TMC2: variants seen among roughly 807,000 people sequenced by gnomAD.
The protein encoded by TMC2 is transmembrane channel like 2.
In TMC2, 102 loss-of-function variants were observed where a neutral mutation model predicts 105.9. The ratio of observed to expected loss-of-function variants is 0.96; its 90% CI spans 0.82 to 1.14. TMC2 has a LOEUF of 1.14. Among genes scored for constraint, TMC2 ranks in the 50% most tolerant of loss-of-function variants. The pLI is 0.00. For synonymous variants in TMC2, 402 were observed against 422.8 expected, an observed-to-expected ratio of 0.95 and a Z score of 0.60; for missense variants, 1,093 against 1,134.3, an observed-to-expected ratio of 0.96 and a Z score of 0.52.
At chr20:2,566,906 A>C (rs372525341) in intron 4 of TMC2, among the ~76,000 whole-genome samples, 1 of 152,396 alleles carries the variant, frequency 6.6e-6, no homozygotes, top group African/African-American at 2.4e-5. Context: ...GGGAAGAAAC[A>C]GACTGGCAAG....
In TMC2 at chr20:2,641,287, C is replaced by T. The variant is rs1385599993; in HGVS notation, c.2657C>T (p.Ala886Val). The T allele has an allele frequency of 1.2e-6, 2 of 1,614,004 alleles. No homozygotes were observed. The highest frequency in any genetic ancestry group is 1.7e-6 in the Non-Finnish European group (2 of 1,180,006). Residue 886 changes from alanine (A) to valine (V), a missense_variant, in exon 20 of 20, where the codon GCC becomes GTC. Transcript: ENST00000358864. ...GGAATCGGACCAGATTCTGGCCACG[C>T]CCCATCTCAGACTCATCCGTGGAGG... is the stretch of plus-strand genomic sequence containing the variant. ...PPGIGPDSGH[A>V]PSQTHPWRSA...
At chr20:2,615,276 G>C (rs1182290184) in intron 14 of TMC2, among the ~76,000 whole-genome samples, 3 of 152,200 alleles carry the variant, frequency 2.0e-5, no homozygotes, top group Non-Finnish European at 4.4e-5. Flanking sequence ...AGCTGAGATT[G>C]TGCCACTGCA....
intron 14 of TMC2, chr20:2,613,644 C>T (rs373598021): frequency 8.5e-6 from 3 of 353,184 alleles, no homozygotes; most frequent in Admixed American, 7.9e-5. Flanking sequence ...GCAGCCTCAA[C>T]TCTCATTATG....
rs1344151051 is a variant in TMC2, at chr20:2,572,230, A to G, written c.606A>G (p.Lys202=). 1.2e-6 allele frequency: 2 copies of G among 1,613,506 alleles called. No homozygotes were observed. Among genetic ancestry groups the G allele is most frequent in the African/African-American group, 2.7e-5 (2 of 74,690 alleles). The change falls in exon 5 of 20, where the codon AAA becomes AAG. Residue 202 remains lysine, a synonymous_variant. Coordinates refer to ENST00000358864, the MANE Select transcript of TMC2 (RefSeq NM_080751.3). The stretch of plus-strand genomic sequence containing the variant: ...ATGAAGGTGCCTTGGGAAAGGGGAA[A>G]GGCAAGCAACTATATGCCTACAAGA... ...EKYEGALGKG[K]GKQLYAYKML...
Position 2,641,264 on chromosome 20 carries a change from A to C in TMC2, c.2634A>C (p.Gly878=), listed in dbSNP as rs1364201690. ...ACCTTCCTATATCTCGGCCCCCTGG[A>C]ATCGGACCAGATTCTGGCCACGCCC... is the stretch of plus-strand genomic sequence containing the variant. The part of the protein sequence containing the change: ...SGHLPISRPP[G]IGPDSGHAPS... Residue 878 remains glycine (G), a synonymous_variant, in exon 20 of 20, where the codon GGA becomes GGC. Coordinates refer to ENST00000358864, the MANE Select transcript of TMC2 (RefSeq NM_080751.3). 6.2e-7 allele frequency: 1 copy of C among 1,614,018 alleles called. No individual in the cohort carries two copies. The highest frequency in any genetic ancestry group is 8.5e-7 in the Non-Finnish European group (1 of 1,180,028).
At chr20:2,640,300 C>CT (rs921879249) in intron 19 of TMC2, among the ~76,000 whole-genome samples, 7 of 151,652 alleles carry the variant, frequency 4.6e-5, no homozygotes, top group East Asian at 3.9e-4. Context: ...CTGGCCTGAA[C>CT]TTTTTTTTTA....
intron 14 of TMC2, chr20:2,613,577 G>A (rs2086459523): frequency 4.5e-6 from 2 of 445,842 alleles, no homozygotes; most frequent in South Asian, 3.9e-5. Flanking sequence ...TGGCCTAGGG[G>A]AAAGTGGACC....
chr20:2,641,090 CA>C, intron 19 of TMC2, 43 bp from the exon 20 acceptor site: 1 of 1,575,328 alleles, frequency 6.3e-7, no homozygotes, highest in Non-Finnish European at 8.7e-7. Context: ...CCAACCTGTA[CA>C]AAATCTCCCA....
intron 17 of TMC2, among the ~76,000 whole-genome samples, chr20:2,635,590 G>A (rs2086636352): frequency 6.6e-6 from 1 of 152,176 alleles, no homozygotes; most frequent in Non-Finnish European, 1.5e-5. Context: ...CACAGGGCAG[G>A]TGCCCAGGAA....
intron 2 of TMC2, among the ~76,000 whole-genome samples, chr20:2,557,035 T>C (rs1240600774): frequency 1.3e-5 from 2 of 152,246 alleles, no homozygotes; most frequent in East Asian, 1.9e-4. Context: ...TTTTCTGCAG[T>C]GTGAATACGA....
chr20:2,552,563 T>C (rs2085963231), intron 2 of TMC2, among the ~76,000 whole-genome samples: 1 of 152,212 alleles, frequency 6.6e-6, no homozygotes, highest in African/African-American at 2.4e-5. Context: ...TCACCCATGC[T>C]GGAGTGCAGT....
chr20:2,565,998 G>A (rs535669433), intron 4 of TMC2, among the ~76,000 whole-genome samples: 4 of 152,170 alleles, frequency 2.6e-5, no homozygotes, highest in South Asian at 2.1e-4. Context: ...AGATCATGCC[G>A]CTGCACTCCA....
In TMC2 at chr20:2,548,074, A is replaced by T. The variant is rs143886157; in HGVS notation, c.83-10382A>T. On this transcript the variant is annotated intron_variant, in intron 2 of 19. Coordinates refer to ENST00000358864, the MANE Select transcript of TMC2 (RefSeq NM_080751.3). ...TTTAATTATAACTTTTAACCAAAGG[A>T]TCTTCTGTTTCACAGAACAAACTGG... 1.8e-3 allele frequency among the ~76,000 whole-genome samples: 268 copies of T among 152,392 alleles called. 3 individuals are homozygous for T. The highest frequency in any genetic ancestry group is 0.015 in the East Asian group (79 of 5,184).
intron 4 of TMC2, among the ~76,000 whole-genome samples, chr20:2,563,678 G>C (rs972773548): frequency 6.6e-6 from 1 of 152,108 alleles, no homozygotes; most frequent in African/African-American, 2.4e-5. Flanking sequence ...AACTCGATTT[G>C]ACAATTCATA....
chr20:2,632,709 C>CTGGAGTAAT (rs1446649715), intron 17 of TMC2, among the ~76,000 whole-genome samples: 45 of 152,278 alleles, frequency 3.0e-4, no homozygotes, highest in Admixed American at 1.3e-3. Context: ...CCTGCCCCAG[C>CTGGAGTAAT]CTCCCGAGTA....
intron 7 of TMC2, among the ~76,000 whole-genome samples, chr20:2,583,422 G>A (rs1165616628): frequency 2.0e-5 from 3 of 151,886 alleles, no homozygotes; most frequent in African/African-American, 7.3e-5. Context: ...GCAAGGAACT[G>A]AGGCCCTTAG....
Position 2,558,604 on chromosome 20 carries a change from G to A in TMC2, c.231G>A (p.Arg77=). 1 of 1,557,442 alleles carries A rather than the reference G, an allele frequency of 6.4e-7. No homozygotes were observed. Among genetic ancestry groups the A allele is most frequent in the Non-Finnish European group, 8.7e-7 (1 of 1,150,176 alleles). ...GSPRRKQTGR[R]RHREELGEQE... is the part of the protein sequence containing the mutation. ...CCCGGAGGAAGCAAACAGGGCGCAGGAGACACAGAGAAGAGCTGGGGGAGC... is the reference window on the plus strand; with the variant it reads ...CCCGGAGGAAGCAAACAGGGCGCAGAAGACACAGAGAAGAGCTGGGGGAGC... The change falls in exon 3 of 20, where the codon AGG becomes AGA. Residue 77 remains arginine (R), a synonymous_variant. Coordinates refer to ENST00000358864, the MANE Select transcript of TMC2 (RefSeq NM_080751.3). This position sits in a 1 kb window ranked among gnomAD's most constrained non-coding sequence, Gnocchi z 4.6.
chr20:2,610,731 A>G, intron 12 of TMC2, 133 bp downstream of exon 12: 11 of 520,040 alleles, frequency 2.1e-5, no homozygotes, highest in Non-Finnish European at 3.0e-5. Context: ...TAAAATTAAA[A>G]AAAAACTCCT....
At chr20:2,620,211 G>A (rs887367224) in intron 16 of TMC2, among the ~76,000 whole-genome samples, 9 of 152,250 alleles carry the variant, frequency 5.9e-5, no homozygotes, top group Non-Finnish European at 1.2e-4. Flanking sequence ...TGCAAGGAAA[G>A]AGGTATGTTG....
Sources: gnomAD v4.1 joint callset for allele counts (sites outside exome capture counted in the v4.1 genomes callset) on GRCh38, gnomAD v4.1.1 for gene constraint, Gnocchi (gnomAD v3.1) non-coding constraint, MANE v1.5 for transcripts, NCBI Gene and HGNC (gene_info 2026-07-23, HGNC 2026-07-21) for gene names.